Variants in CLNK observed in about 807,000 individuals in gnomAD.
CLNK encodes cytokine-dependent hematopoietic cell linker.
In CLNK, 74 loss-of-function variants were observed where a neutral mutation model predicts 68.6. The observed-to-expected ratio is 1.08, with a 90% confidence interval of 0.89 to 1.31. The LOEUF is 1.31. Ranked by LOEUF, CLNK falls within the 50% of genes most tolerant of loss-of-function variation. The pLI is 0.00. For synonymous variants in CLNK, 198 were observed against 172.2 expected, an observed-to-expected ratio of 1.15 and a Z score of -1.17; for missense variants, 553 against 515.3, an observed-to-expected ratio of 1.07 and a Z score of -0.71.
chr4:10,659,193 C>A (rs912305791), intron 2 of CLNK, among the ~76,000 whole-genome samples: 1 of 151,076 alleles, frequency 6.6e-6, no homozygotes, highest in East Asian at 1.9e-4. Context: ...AAGAGCGAAA[C>A]TCTGTCTCAA....
At chr4:10,582,525 C>G (rs770998610) in intron 4 of CLNK, among the ~76,000 whole-genome samples, 5 of 152,010 alleles carry the variant, frequency 3.3e-5, no homozygotes, top group Admixed American at 6.6e-5. Flanking sequence ...GCCATCTTTT[C>G]CAGTTTCATT....
intron 12 of CLNK, among the ~76,000 whole-genome samples, chr4:10,531,914 A>G (rs1370291107): frequency 1.3e-5 from 2 of 152,242 alleles, no homozygotes; most frequent in Admixed American, 1.3e-4. Flanking sequence ...GACAAATAGC[A>G]AAGTGCAATA....
chr4:10,633,042 A>G (rs1722950181), intron 2 of CLNK, among the ~76,000 whole-genome samples: 1 of 152,138 alleles, frequency 6.6e-6, no homozygotes, highest in Admixed American at 6.5e-5. Context: ...GGTTCAAGCA[A>G]TTCTCCTGTC....
chr4:10,734,178 T>A, the CLNK span, among the ~76,000 whole-genome samples: 259 of 152,272 alleles, frequency 1.7e-3, no homozygotes, highest in African/African-American at 6.0e-3. Flanking sequence ...TAGCCAAAAG[T>A]CAGAGAGGTT....
At chr4:10,562,953 G>A (rs980786841) in intron 7 of CLNK, among the ~76,000 whole-genome samples, 11 of 152,172 alleles carry the variant, frequency 7.2e-5, no homozygotes, top group Admixed American at 3.3e-4. Flanking sequence ...GATCCTAGCA[G>A]GCACCGATGA....
chr4:10,672,156 C>G (rs1724672293), intron 1 of CLNK, among the ~76,000 whole-genome samples: 1 of 152,196 alleles, frequency 6.6e-6, no homozygotes, highest in Admixed American at 6.5e-5. Flanking sequence ...CCCCATAGTA[C>G]TCAGACTACG....
At chr4:10,625,780 A>C (rs941601817) in intron 2 of CLNK, among the ~76,000 whole-genome samples, 1 of 152,192 alleles carries the variant, frequency 6.6e-6, no homozygotes, top group East Asian at 1.9e-4. Context: ...AGAGATAGAC[A>C]GGAAGAGACA....
In CLNK at chr4:10,542,210, A is replaced by G. The variant is rs1359174104; in HGVS notation, c.471+45T>C. 9.8e-6 allele frequency: 13 copies of G among 1,332,670 alleles called. No homozygotes were observed. In the Admixed American group the frequency reaches 2.1e-4, roughly 21 times the overall value. The allele number at this position is 1,332,670 out of a possible 1,614,324, so 82.6% of individuals were successfully genotyped here. On this transcript the variant is annotated intron_variant, in intron 9 of 18. Coordinates refer to ENST00000226951, the MANE Select transcript of CLNK (RefSeq NM_052964.4). The stretch of plus-strand genomic sequence containing the variant: ...GCATCATCTATATCTCTAGGCTTCT[A>G]AAGTAAATAATGAATAACAAATGCA...
intron 16 of CLNK, among the ~76,000 whole-genome samples, chr4:10,512,782 T>C (rs1360574761): frequency 1.3e-5 from 2 of 151,282 alleles, no homozygotes; most frequent in Non-Finnish European, 2.9e-5. Flanking sequence ...TGAAAGACTT[T>C]AGTAAGTAAC....
At chr4:10,700,693 C>G in the CLNK span, among the ~76,000 whole-genome samples, 1 of 152,006 alleles carries the variant, frequency 6.6e-6, no homozygotes, top group Non-Finnish European at 1.5e-5. Flanking sequence ...GCAGGTGGGT[C>G]GTAAAGGAGT....
chr4:10,687,808 C>T (rs945543621), upstream of CLNK, among the ~76,000 whole-genome samples: 1 of 152,134 alleles, frequency 6.6e-6, no homozygotes, highest in Non-Finnish European at 1.5e-5. Flanking sequence ...CGTTCATCTT[C>T]TCTTTGGGTG....
chr4:10,625,713 G>A (rs1167742682), intron 2 of CLNK, among the ~76,000 whole-genome samples: 1 of 151,984 alleles, frequency 6.6e-6, no homozygotes, highest in Admixed American at 6.6e-5. Context: ...GATAGAGAGA[G>A]GCAGAGAAAC....
intron 2 of CLNK, among the ~76,000 whole-genome samples, chr4:10,623,960 A>C (rs1377165197): frequency 6.6e-6 from 1 of 152,290 alleles, no homozygotes; most frequent in Non-Finnish European, 1.5e-5. Flanking sequence ...GTTAAATGTT[A>C]CATGCAGCAA....
chr4:10,524,318 G>A (rs944875808), intron 14 of CLNK, among the ~76,000 whole-genome samples: 1 of 152,162 alleles, frequency 6.6e-6, no homozygotes, highest in African/African-American at 2.4e-5. Flanking sequence ...ATCATGCCCC[G>A]ATATACAGGG....
the CLNK span, among the ~76,000 whole-genome samples, chr4:10,696,709 C>G: frequency 1.3e-5 from 2 of 152,296 alleles, no homozygotes; most frequent in South Asian, 4.1e-4. Flanking sequence ...CTCTCCTTCC[C>G]AGCCTGCCAC....
At chr4:10,597,807 C>T (rs1172255966) in intron 3 of CLNK, among the ~76,000 whole-genome samples, 171 bp downstream of exon 3, 3 of 152,214 alleles carry the variant, frequency 2.0e-5, no homozygotes, top group Non-Finnish European at 4.4e-5. Flanking sequence ...CACCTGCTGG[C>T]TGCTCAACCC....
chr4:10,552,959 A>G (rs1310837892), intron 8 of CLNK, among the ~76,000 whole-genome samples: 1 of 151,986 alleles, frequency 6.6e-6, no homozygotes, highest in Non-Finnish European at 1.5e-5. Flanking sequence ...TCACATTGTG[A>G]TGTAGGATAT....
At chr4:10,578,947 A>G (rs1348257210) in intron 4 of CLNK, among the ~76,000 whole-genome samples, 2 of 152,228 alleles carry the variant, frequency 1.3e-5, no homozygotes, top group Non-Finnish European at 2.9e-5. Context: ...ATAAAGTGCC[A>G]GGCACAAACT....
intron 8 of CLNK, among the ~76,000 whole-genome samples, chr4:10,549,260 C>T (rs928283654): frequency 1.3e-5 from 2 of 152,114 alleles, no homozygotes. Context: ...TTAAGGTGAA[C>T]TTAAGGAACT....
Sources: allele counts gnomAD v4.1 joint callset (sites outside exome capture counted in the v4.1 genomes callset), GRCh38; gene constraint gnomAD v4.1.1; transcripts MANE v1.5; gene names NCBI Gene and HGNC (gene_info 2026-07-23, HGNC 2026-07-21).